Variants in MELK observed in about 807,000 individuals in gnomAD.
MELK encodes the protein maternal embryonic leucine zipper kinase.
Under a neutral mutation model 85.0 loss-of-function variants are expected in MELK, and 81 were observed. That is an observed-to-expected ratio of 0.95 (90% confidence interval 0.80 to 1.15). MELK has a LOEUF of 1.15. Ranked by LOEUF, MELK falls within the 50% of genes most tolerant of loss-of-function variation. The pLI is 0.00. For synonymous variants in MELK, 252 were observed against 265.0 expected (o/e 0.95, Z 0.48); for missense variants, 754 against 777.5 (o/e 0.97, Z 0.36).
intron 8 of MELK, among the ~76,000 whole-genome samples, chr9:36,625,199 T>A (rs1827813899): frequency 6.6e-6 from 1 of 152,042 alleles, no homozygotes; most frequent in Non-Finnish European, 1.5e-5. Context: ...CAGGCTGTGA[T>A]CAGAGACTCA....
At chr9:36,588,204 G>A (rs1323274394) in intron 3 of MELK, among the ~76,000 whole-genome samples, 1 of 147,548 alleles carries the variant, frequency 6.8e-6, no homozygotes, top group African/African-American at 2.5e-5. Context: ...TTACAGACAT[G>A]CGCCACCATG....
intron 10 of MELK, among the ~76,000 whole-genome samples, chr9:36,640,377 G>A (rs1829647434): frequency 1.3e-5 from 2 of 152,180 alleles, no homozygotes; most frequent in South Asian, 4.1e-4. Flanking sequence ...TTCTTGCTGT[G>A]TCCTCACGTG....
chr9:36,666,670 T>C (rs535036225), intron 14 of MELK, among the ~76,000 whole-genome samples: 2 of 152,344 alleles, frequency 1.3e-5, no homozygotes, highest in African/African-American at 4.8e-5. Context: ...TCTAGTGTAC[T>C]AATGGAGCTC....
At chr9:36,676,657 A>T (rs1485168914) in intron 17 of MELK, among the ~76,000 whole-genome samples, 1 of 152,194 alleles carries the variant, frequency 6.6e-6, no homozygotes, top group Non-Finnish European at 1.5e-5. Context: ...GTTATCTCTC[A>T]TTACTAATTA....
intron 14 of MELK, among the ~76,000 whole-genome samples, chr9:36,667,686 G>A (rs1159249518): frequency 6.6e-6 from 1 of 152,178 alleles, no homozygotes; most frequent in Non-Finnish European, 1.5e-5. Flanking sequence ...GAAGCAAGTG[G>A]CTGAAGCCAT....
chr9:36,671,222 C>CT (rs559918386), intron 16 of MELK, 56 bp downstream of exon 16: 18,875 of 1,092,584 alleles, frequency 0.017, no homozygotes, highest in South Asian at 0.03. Flanking sequence ...AATGGACTGC[C>CT]TTTTTTTTTT....
Position 36,677,154 on chromosome 9 carries a change from T to A in MELK, c.1779-6T>A. The A allele has an allele frequency of 1.2e-6, 2 of 1,607,972 alleles. No individual in the cohort carries two copies. Among genetic ancestry groups the A allele is most frequent in the Non-Finnish European group, 1.7e-6 (2 of 1,175,972 alleles). On this transcript the variant is annotated splice_polypyrimidine_tract_variant and splice_region_variant and intron_variant, in intron 17 of 17. Transcript: ENST00000298048. ...ACTAACTAGCTTCTTATCTTGTTTT[T>A]CACAGTTATACACTGAAGTGTCAAA...
At chr9:36,600,924 G>C (rs1824853694) in intron 7 of MELK, among the ~76,000 whole-genome samples, 2 of 152,134 alleles carry the variant, frequency 1.3e-5, no homozygotes, top group Admixed American at 6.5e-5. Context: ...GATAGTGCAA[G>C]AATAGAATGA....
At chr9:36,643,710 G>A (rs1053140304) in intron 11 of MELK, among the ~76,000 whole-genome samples, 14 of 152,098 alleles carry the variant, frequency 9.2e-5, no homozygotes, top group South Asian at 4.2e-4. Context: ...TGAGGTGGGC[G>A]GATCACGAGG....
chr9:36,593,716 A>G (rs1403675378), intron 4 of MELK, among the ~76,000 whole-genome samples: 1 of 152,106 alleles, frequency 6.6e-6, no homozygotes, highest in African/African-American at 2.4e-5. Flanking sequence ...TTTTGAGACG[A>G]AGTCTCACTT....
chr9:36,671,269 A>G (rs866625190), intron 16 of MELK, 103 bp downstream of exon 16: 13 of 1,245,430 alleles, frequency 1.0e-5, no homozygotes, highest in Middle Eastern at 2.0e-4. Context: ...TTTTTATTTG[A>G]GTATTTATTC....
intron 6 of MELK, among the ~76,000 whole-genome samples, chr9:36,598,407 C>A (rs1164780513): frequency 6.6e-6 from 1 of 152,140 alleles, no homozygotes; most frequent in Non-Finnish European, 1.5e-5. Context: ...AAGGAGCACA[C>A]TCCTGGGCAT....
chr9:36,608,107 C>T (rs558617451), intron 8 of MELK, among the ~76,000 whole-genome samples: 1,565 of 151,720 alleles, frequency 0.01, 15 homozygotes, highest in Non-Finnish European at 0.017. Context: ...GGTGAAACCC[C>T]GTCTCTACTA....
chr9:36,634,475 C>A (rs894849369), intron 10 of MELK, among the ~76,000 whole-genome samples: 2 of 152,150 alleles, frequency 1.3e-5, no homozygotes, highest in Non-Finnish European at 2.9e-5. Context: ...CTTTGGGAGG[C>A]TGAGGCAGGC....
intron 8 of MELK, among the ~76,000 whole-genome samples, chr9:36,616,212 A>G (rs534379133): frequency 1.3e-5 from 2 of 152,204 alleles, no homozygotes; most frequent in East Asian, 1.9e-4. Context: ...ATACAGGTCT[A>G]TGAATTCTAA....
At chr9:36,638,512 C>T (rs775247415) in intron 10 of MELK, among the ~76,000 whole-genome samples, 4 of 152,128 alleles carry the variant, frequency 2.6e-5, no homozygotes, top group South Asian at 2.1e-4. Flanking sequence ...CTTTAACTCC[C>T]GACCTCAGGT....
intron 11 of MELK, 32 bp from the exon 12 acceptor site, chr9:36,651,714 C>T: frequency 1.2e-6 from 2 of 1,604,134 alleles, no homozygotes; most frequent in Non-Finnish European, 1.7e-6. Flanking sequence ...AACAAGTAAT[C>T]TTCTAACCAA....
intron 12 of MELK, among the ~76,000 whole-genome samples, chr9:36,656,224 A>G (rs930495389): frequency 3.3e-5 from 5 of 152,210 alleles, no homozygotes; most frequent in Non-Finnish European, 7.3e-5. Flanking sequence ...TACCCTGTAT[A>G]TTCTTACAAA....
intron 4 of MELK, among the ~76,000 whole-genome samples, chr9:36,590,225 C>T (rs1463597272): frequency 6.6e-6 from 1 of 152,032 alleles, no homozygotes; most frequent in Non-Finnish European, 1.5e-5. Context: ...CAGCCTCATT[C>T]TAGTTTTATA....
Sources: allele counts gnomAD v4.1 joint callset (sites outside exome capture counted in the v4.1 genomes callset), GRCh38; gene constraint gnomAD v4.1.1; transcripts MANE v1.5; gene names NCBI Gene and HGNC (gene_info 2026-07-23, HGNC 2026-07-21).